Variants in CYCS observed in about 807,000 individuals in gnomAD.
CYCS encodes the protein cytochrome c, somatic.
For missense variants in CYCS, 87 were observed against 125.3 expected, an observed-to-expected ratio of 0.69 and a Z score of 1.46; for synonymous variants, 41 against 43.0, an observed-to-expected ratio of 0.95 and a Z score of 0.18.
Position 25,119,993 on chromosome 7 carries a change from C to T in CYCS, c.*3708G>A, listed in dbSNP as rs574821396. 1 of 151,900 alleles carries T rather than the reference C, an allele frequency of 6.6e-6. No homozygotes were observed. Among genetic ancestry groups the T allele is most frequent in the East Asian group, 1.9e-4 (1 of 5,178 alleles). The allele number at this position is 151,900 out of a possible 1,614,324, so 9.4% of individuals were successfully genotyped here. A position where few individuals can be genotyped will look rare whatever the true frequency, so the allele number is the denominator to read the frequency against. The stretch of plus-strand genomic sequence containing the variant: ...TTATCTATCTAAAACTGCCAACTTA[C>T]GAATAGGTAAAACTTATGGTAAAAT... On this transcript the variant is annotated 3_prime_UTR_variant, in exon 3 of 3. Coordinates refer to ENST00000305786, the MANE Select transcript of CYCS (RefSeq NM_018947.6).
Position 25,118,816 on chromosome 7 carries a change from A to C in CYCS, c.*4885T>G, listed in dbSNP as rs1449923166. Among the ~76,000 whole-genome samples the C allele has an allele frequency of 1.3e-5, 2 of 151,886 alleles. No individual in the cohort carries two copies. The highest frequency in any genetic ancestry group is 2.9e-5 in the Non-Finnish European group (2 of 68,040). ...GTTTAAATTTAAAATGTTAAATTTAACATTTTAACATGTTTAAATGTTCAT... is the reference window on the plus strand; with the variant it reads ...GTTTAAATTTAAAATGTTAAATTTACCATTTTAACATGTTTAAATGTTCAT... On this transcript the variant is annotated 3_prime_UTR_variant, in exon 3 of 3. Coordinates refer to ENST00000305786, the MANE Select transcript of CYCS (RefSeq NM_018947.6).
rs370941753 is a variant in CYCS, at chr7:25,122,621, A to G, written c.*1080T>C. On this transcript the variant is annotated 3_prime_UTR_variant, in exon 3 of 3. Transcript: ENST00000305786. ...TCTGGCATAAATGCTGCAGTTCTCA[A>G]TCTGAGCAAAGAAACTAAGAGTCAA... The G allele has an allele frequency of 3.3e-5, 5 of 152,338 alleles. 1 individual carries two copies. 9.4% of individuals were successfully genotyped at this position (152,338 alleles called of 1,614,324 possible). A position where few individuals can be genotyped will look rare whatever the true frequency, so the allele number is the denominator to read the frequency against.
rs1359048163 is a variant in CYCS at position 25,122,196 on chromosome 7, G to A, written c.*1505C>T. On this transcript the variant is annotated 3_prime_UTR_variant, in exon 3 of 3. Coordinates refer to ENST00000305786, the MANE Select transcript of CYCS (RefSeq NM_018947.6). Reference sequence around the variant, plus strand: ...GTCTGAAATCTTTAAAGGATTTCCAGGATGCATTTTTAAATTCCCCACCAG... The same window carrying A: ...GTCTGAAATCTTTAAAGGATTTCCAAGATGCATTTTTAAATTCCCCACCAG... 6.6e-6 allele frequency: 1 copy of A among 152,116 alleles called. No homozygotes were observed. Among genetic ancestry groups the A allele is most frequent in the Non-Finnish European group, 1.5e-5 (1 of 68,016 alleles). The allele number at this position is 152,116 out of a possible 1,614,324, so 9.4% of individuals were successfully genotyped here.
At chr7:25,124,211 T>C (rs1021420054) in intron 1 of CYCS, 84 bp from the exon 2 acceptor site, 1 of 987,028 alleles carries the variant, frequency 1.0e-6, no homozygotes, top group Non-Finnish European at 1.6e-6. Context: ...GCCACTTAAT[T>C]ACCAATCCAT....
rs1783347274 is a variant in CYCS at position 25,120,743 on chromosome 7, G to T, written c.*2958C>A. ...CCACTTACAGCGAAGCACTAGAAAT[G>T]AAAACATGTGGTTTATAGTGCTCTT... On this transcript the variant is annotated 3_prime_UTR_variant, in exon 3 of 3. Coordinates refer to ENST00000305786, the MANE Select transcript of CYCS (RefSeq NM_018947.6). The T allele has an allele frequency of 6.6e-6, 1 of 152,240 alleles. No homozygotes were observed. The highest frequency in any genetic ancestry group is 1.5e-5 in the Non-Finnish European group (1 of 68,034). The allele number at this position is 152,240 out of a possible 1,614,324, so 9.4% of individuals were successfully genotyped here.
chr7:25,124,828 G>A (rs2128577819), intron 1 of CYCS: 1 of 152,878 alleles, frequency 6.5e-6, no homozygotes, highest in East Asian at 1.9e-4. Context: ...TATTAGAAGA[G>A]CAACAGCTTT....
At position 25,122,162 on chromosome 7, in the gene CYCS, C is replaced by T. The variant is rs532737420; in HGVS notation, c.*1539G>A. On this transcript the variant is annotated 3_prime_UTR_variant, in exon 3 of 3. Coordinates refer to ENST00000305786, the MANE Select transcript of CYCS (RefSeq NM_018947.6). ...AGTCACCAAGTCCTCTGCTACAAGG[C>T]CTTTCAAAGTCTGAAATCTTTAAAG... 3.3e-5 allele frequency: 5 copies of T among 152,266 alleles called. No individual in the cohort carries two copies. In the South Asian group the frequency reaches 1.0e-3, roughly 32 times the overall value. The allele number at this position is 152,266 out of a possible 1,614,324, so 9.4% of individuals were successfully genotyped here.
rs1299958438 is a variant in CYCS, at chr7:25,121,174, T to C, written c.*2527A>G. On this transcript the variant is annotated 3_prime_UTR_variant, in exon 3 of 3. Coordinates refer to ENST00000305786, the MANE Select transcript of CYCS (RefSeq NM_018947.6). ...GAATCACATTTTAAACCACCAGAAGTGCTTGGGTATAACTGACCTAGAACA... is the reference window on the plus strand; with the variant it reads ...GAATCACATTTTAAACCACCAGAAGCGCTTGGGTATAACTGACCTAGAACA... 1 of 151,856 alleles carries C rather than the reference T, an allele frequency of 6.6e-6. No homozygotes were observed. The highest frequency in any genetic ancestry group is 1.5e-5 in the Non-Finnish European group (1 of 67,954). 9.4% of individuals were successfully genotyped at this position (151,856 alleles called of 1,614,324 possible). A position where few individuals can be genotyped will look rare whatever the true frequency, so the allele number is the denominator to read the frequency against.
rs62451611 is a variant in CYCS, at chr7:25,119,729, G to A, written c.*3972C>T. Among the ~76,000 whole-genome samples the A allele has an allele frequency of 0.12, 18,437 of 152,152 alleles. 1,296 individuals are homozygous for A. The highest frequency in any genetic ancestry group is 0.26 in the East Asian group (1,351 of 5,170). On this transcript the variant is annotated 3_prime_UTR_variant, in exon 3 of 3. Transcript: ENST00000305786. ...GGCTGGGACTACAGGTGTGCACCAC[G>A]ACGCCCAGTTATCTAGTTTACTCTT...
Position 25,123,770 on chromosome 7 carries a change from A to G in CYCS, c.249T>C (p.Phe83=), listed in dbSNP as rs1562515904. 1 of 1,611,944 alleles carries G rather than the reference A, an allele frequency of 6.2e-7. No individual in the cohort carries two copies. Among genetic ancestry groups the G allele is most frequent in the Admixed American group, 1.7e-5 (1 of 60,026 alleles). The part of the protein sequence containing the change: ...KKYIPGTKMI[F]VGIKKKEERA... ...TTTCTTCCTTCTTCTTAATGCCGAC[A>G]AAGATCATTTTTGTTCCAGGGATGT... The change falls in exon 3 of 3, where the codon TTT becomes TTC. Residue 83 remains phenylalanine, a synonymous_variant. Coordinates refer to ENST00000305786, the MANE Select transcript of CYCS (RefSeq NM_018947.6).
chr7:25,123,897 C>A, intron 2 of CYCS, 48 bp from the exon 3 acceptor site: 3 of 1,614,066 alleles, frequency 1.9e-6, no homozygotes, highest in Non-Finnish European at 1.7e-6. Flanking sequence ...TGATAGTTTG[C>A]CACATGTTAT....
chr7:25,120,393 G>C lies in CYCS; in HGVS notation c.*3308C>G, dbSNP rs1422702267. 3.9e-5 allele frequency: 6 copies of C among 152,008 alleles called. No homozygotes were observed. The highest frequency in any genetic ancestry group is 8.8e-5 in the Non-Finnish European group (6 of 67,950). 9.4% of individuals were successfully genotyped at this position (152,008 alleles called of 1,614,324 possible). On this transcript the variant is annotated 3_prime_UTR_variant, in exon 3 of 3. Transcript: ENST00000305786. The stretch of plus-strand genomic sequence containing the variant: ...GAGCGACCATGCCCGGCTAATTCTA[G>C]ATTTAATAGAGTAAAGAGAAAGTAC...
In CYCS at chr7:25,119,339, C is replaced by T. The variant is rs1783322928; in HGVS notation, c.*4362G>A. On this transcript the variant is annotated 3_prime_UTR_variant, in exon 3 of 3. Transcript: ENST00000305786. Reference sequence around the variant, plus strand: ...TTGCCCAGGCTGGAGTGCGATGGGGCGGTCTTGGCTCACTGCAACCCCCAT... The same window carrying T: ...TTGCCCAGGCTGGAGTGCGATGGGGTGGTCTTGGCTCACTGCAACCCCCAT... 3.9e-5 allele frequency among the ~76,000 whole-genome samples: 6 copies of T among 151,972 alleles called. No individual in the cohort carries two copies. The South Asian group carries it at 6.2e-4, about 16-fold the overall frequency.
In CYCS at chr7:25,125,245, G is replaced by T. The variant is rs968903644; in HGVS notation, c.-54C>A. On this transcript the variant is annotated 5_prime_UTR_variant, in exon 1 of 3. Transcript: ENST00000305786. ...AACGAACACTCCCGCTCCGAAGCCG[G>T]ACGTCCCCACTCTCTAAGTCCAAGG... 1 of 152,822 alleles carries T rather than the reference G, an allele frequency of 6.5e-6. No individual in the cohort carries two copies. The highest frequency in any genetic ancestry group is 1.5e-5 in the Non-Finnish European group (1 of 68,174). 9.5% of individuals were successfully genotyped at this position (152,822 alleles called of 1,614,324 possible). A position where few individuals can be genotyped will look rare whatever the true frequency, so the allele number is the denominator to read the frequency against.
rs1783386550 is a variant in CYCS, at chr7:25,122,984, T to C, written c.*717A>G. On this transcript the variant is annotated 3_prime_UTR_variant, in exon 3 of 3. Coordinates refer to ENST00000305786, the MANE Select transcript of CYCS (RefSeq NM_018947.6). ...TACAGTTTTGTTTCTGAATGGCTGT[T>C]TAAAGACAATCCTAAATTATAACTT... The C allele has an allele frequency of 6.6e-6, 1 of 152,440 alleles. No individual in the cohort carries two copies. The highest frequency in any genetic ancestry group is 2.1e-4 in the South Asian group (1 of 4,844). The allele number at this position is 152,440 out of a possible 1,614,324, so 9.4% of individuals were successfully genotyped here.
rs892804080 is a variant in CYCS at position 25,121,841 on chromosome 7, C to T, written c.*1860G>A. On this transcript the variant is annotated 3_prime_UTR_variant, in exon 3 of 3. Coordinates refer to ENST00000305786, the MANE Select transcript of CYCS (RefSeq NM_018947.6). The stretch of plus-strand genomic sequence containing the variant: ...ACTTGGGAAGCTGAAGTGAGAGAAT[C>T]GCTTGAGCCTGGGAAATAGAGGTTG... The T allele has an allele frequency of 6.6e-6, 1 of 152,144 alleles. No homozygotes were observed. Among genetic ancestry groups the T allele is most frequent in the Non-Finnish European group, 1.5e-5 (1 of 68,056 alleles). The allele number at this position is 152,144 out of a possible 1,614,324, so 9.4% of individuals were successfully genotyped here. A position where few individuals can be genotyped will look rare whatever the true frequency, so the allele number is the denominator to read the frequency against.
Position 25,119,667 on chromosome 7 carries a change from G to A in CYCS, c.*4034C>T, listed in dbSNP as rs1481156990. On this transcript the variant is annotated 3_prime_UTR_variant, in exon 3 of 3. Coordinates refer to ENST00000305786, the MANE Select transcript of CYCS (RefSeq NM_018947.6). ...ACAATCACAGCTACACTGCAGCCTC[G>A]AACTTCTGGGCACAAGCAGTCCTCC... Among the ~76,000 whole-genome samples the A allele has an allele frequency of 6.6e-6, 1 of 151,730 alleles. No homozygotes were observed. The highest frequency in any genetic ancestry group is 1.5e-5 in the Non-Finnish European group (1 of 67,960).
Position 25,123,669 on chromosome 7 carries a change from T to C in CYCS, c.*32A>G. 6.3e-7 allele frequency: 1 copy of C among 1,582,348 alleles called. No homozygotes were observed. Among genetic ancestry groups the C allele is most frequent in the Admixed American group, 1.7e-5 (1 of 59,984 alleles). ...ACATAAAAAAGTCATGAGACATTTC[T>C]GTTTTGTAATAAATAAGGCAGTGGC... On this transcript the variant is annotated 3_prime_UTR_variant, in exon 3 of 3. Transcript: ENST00000305786.
At position 25,124,074 on chromosome 7, in the gene CYCS, A is replaced by C. The variant is rs1455635540; in HGVS notation, c.46T>G (p.Ser16Ala). Residue 16 changes from serine (S) to alanine (A), a missense_variant, in exon 2 of 3, where the codon TCC becomes GCC. Ser to Ala is a moderately conservative substitution (Grantham distance 99). Coordinates refer to ENST00000305786, the MANE Select transcript of CYCS (RefSeq NM_018947.6). ...KGKKIFIMKC[S>A]QCHTVEKGGK... ...CCCTTTTCAACGGTGTGGCACTGGG[A>C]ACACTTCATAATAAAAATCTTCTTG... 1.1e-5 allele frequency: 18 copies of C among 1,613,954 alleles called. No individual in the cohort carries two copies. The highest frequency in any genetic ancestry group is 1.4e-5 in the Non-Finnish European group (17 of 1,179,964).
Sources: allele counts gnomAD v4.1 joint callset (sites outside exome capture counted in the v4.1 genomes callset), GRCh38; gene constraint gnomAD v4.1.1; transcripts MANE v1.5; gene names NCBI Gene and HGNC (gene_info 2026-07-23, HGNC 2026-07-21).